Variants in MAK observed in about 807,000 individuals in gnomAD.
The protein encoded by MAK is serine/threonine-protein kinase MAK.
In MAK, 65 loss-of-function variants were observed where a neutral mutation model predicts 82.6. The observed-to-expected ratio is 0.79, with a 90% CI of 0.64 to 0.97. The LOEUF is 0.97. Ranked by LOEUF, MAK falls within the 50% of genes least tolerant of loss-of-function variation. The pLI is 0.00. For missense variants in MAK, 703 were observed against 780.2 expected (o/e 0.90, Z 1.18); for synonymous variants, 250 against 274.2 (o/e 0.91, Z 0.87).
At chr6:10,772,625 G>C (rs1248720594) in intron 13 of MAK, among the ~76,000 whole-genome samples, 1 of 151,956 alleles carries the variant, frequency 6.6e-6, no homozygotes, top group South Asian at 2.1e-4. Flanking sequence ...TTTCAGGTGT[G>C]AGCCACCGCG....
chr6:10,789,110 T>C (rs1343535991), intron 10 of MAK, among the ~76,000 whole-genome samples: 2 of 148,000 alleles, frequency 1.4e-5, no homozygotes, highest in East Asian at 4.0e-4. Flanking sequence ...GGAGTACCTA[T>C]GGAATGTGAA....
At chr6:10,815,912 G>GTGTGTGTATATA (rs1554184483) in intron 4 of MAK, among the ~76,000 whole-genome samples, 15 of 108,342 alleles carry the variant, frequency 1.4e-4, no homozygotes, top group Non-Finnish European at 2.3e-4. Context: ...GCTTTATACA[G>GTGTGTGTATATA]TATATATATA....
In MAK at chr6:10,764,595, TC is replaced by T. The variant is rs1240694998; in HGVS notation, c.1803del (p.Trp601Ter). On this transcript the variant is annotated frameshift_variant, in exon 15 of 15. Coordinates refer to ENST00000354489, the MANE Select transcript of MAK (RefSeq NM_001242957.3). LOFTEE classifies it high-confidence loss of function. ...AACTGCCCCCGACCAGTTTTTGTGTTCCAGGTATATTCTGAAAGAAATCAGA... is the reference window on the plus strand; with the variant it reads ...AACTGCCCCCGACCAGTTTTTGTGTTCAGGTATATTCTGAAAGAAATCAGA... Reference protein sequence around the residue: ...PLNATASEYTWNTKTGRGQFS... With the variant: ...PLNATASEYTXNTKTGRGQFS... 6.2e-7 allele frequency: 1 copy of T among 1,613,920 alleles called. No homozygotes were observed. Among genetic ancestry groups the T allele is most frequent in the Non-Finnish European group, 8.5e-7 (1 of 1,179,864 alleles).
intron 4 of MAK, among the ~76,000 whole-genome samples, chr6:10,816,205 G>A (rs912189841): frequency 1.3e-5 from 2 of 151,778 alleles, no homozygotes; most frequent in Admixed American, 6.6e-5. Flanking sequence ...CAAGTAGCTA[G>A]GACTACAGGT....
At chr6:10,799,806 G>T (rs71548515) in intron 8 of MAK, among the ~76,000 whole-genome samples, 1 of 152,070 alleles carries the variant, frequency 6.6e-6, no homozygotes, top group Non-Finnish European at 1.5e-5. Flanking sequence ...CCAGAACTTA[G>T]GGAGGCCGAG....
At chr6:10,836,502 C>A (rs1291267129) in intron 1 of MAK, among the ~76,000 whole-genome samples, 1 of 152,184 alleles carries the variant, frequency 6.6e-6, no homozygotes, top group Non-Finnish European at 1.5e-5. Context: ...CCTGATAGCA[C>A]ATAAGCAACT....
chr6:10,773,984 C>A (rs1366760463), intron 12 of MAK, among the ~76,000 whole-genome samples: 1 of 152,042 alleles, frequency 6.6e-6, no homozygotes, highest in Non-Finnish European at 1.5e-5. Context: ...CAGGAGTGGG[C>A]CACTGCACCT....
Position 10,802,062 on chromosome 6 carries a change from G to A in MAK, c.664-3C>T, listed in dbSNP as rs763599621. 1 of 1,613,930 alleles carries A rather than the reference G, an allele frequency of 6.2e-7. No individual in the cohort carries two copies. The highest frequency in any genetic ancestry group is 1.7e-5 in the Admixed American group (1 of 60,000). ...TGGTATCCTTCTGGCCAGTCACTCT[G>A]TTTCAGGAATATATAAGTGCAGGTG... On this transcript the variant is annotated splice_polypyrimidine_tract_variant and splice_region_variant and intron_variant, in intron 7 of 14. Transcript: ENST00000354489.
At chr6:10,804,563 G>C (rs937874834) in intron 6 of MAK, among the ~76,000 whole-genome samples, 1 of 152,064 alleles carries the variant, frequency 6.6e-6, no homozygotes, top group Non-Finnish European at 1.5e-5. Flanking sequence ...GGCTGGTCTC[G>C]AACTCCTGAC....
At chr6:10,804,412 G>A (rs1056346686) in intron 6 of MAK, among the ~76,000 whole-genome samples, 2 of 152,066 alleles carry the variant, frequency 1.3e-5, no homozygotes, top group South Asian at 2.1e-4. Context: ...GCGCGGTCCC[G>A]GCTCACTGCA....
intron 2 of MAK, among the ~76,000 whole-genome samples, chr6:10,829,882 G>A (rs912977002): frequency 6.6e-6 from 1 of 151,952 alleles, no homozygotes; most frequent in Non-Finnish European, 1.5e-5. Context: ...TGTCACCCAG[G>A]CTGGAGTGCA....
rs1405860550 is a variant in MAK at position 10,770,175 on chromosome 6, G to C, written c.1728C>G (p.Leu576=). The change falls in exon 14 of 15, where the codon CTC becomes CTG. Residue 576 remains leucine, a synonymous_variant. Transcript: ENST00000354489. Reference sequence around the variant, plus strand: ...GGCCAGCTGACTGCACTTCTTTTTTGAGAAAGGAAGGAATATATCCTGACT... The same window carrying C: ...GGCCAGCTGACTGCACTTCTTTTTTCAGAAAGGAAGGAATATATCCTGACT... The part of the protein sequence containing the change: ...YNQSGYIPSF[L]KKEVQSAGQR... 2 of 1,614,132 alleles carry C rather than the reference G, an allele frequency of 1.2e-6. No homozygotes were observed. Among genetic ancestry groups the C allele is most frequent in the African/African-American group, 1.3e-5 (1 of 75,036 alleles).
At chr6:10,820,399 G>A (rs922314097) in intron 2 of MAK, among the ~76,000 whole-genome samples, 2 of 152,162 alleles carry the variant, frequency 1.3e-5, no homozygotes, top group Non-Finnish European at 1.5e-5. Flanking sequence ...AACAGAGGCT[G>A]TGGAACCGCA....
intron 11 of MAK, among the ~76,000 whole-genome samples, chr6:10,775,964 T>C (rs1041491114): frequency 1.3e-5 from 2 of 152,082 alleles, no homozygotes; most frequent in Non-Finnish European, 2.9e-5. Flanking sequence ...AATTTTTGTA[T>C]TTTTAGTAGA....
intron 4 of MAK, 110 bp downstream of exon 4, chr6:10,817,740 A>C (rs1777600236): frequency 1.1e-6 from 1 of 929,518 alleles, no homozygotes. Context: ...TGGTTAATTT[A>C]AATTTACCTT....
intron 12 of MAK, among the ~76,000 whole-genome samples, chr6:10,773,677 A>G (rs1045975176): frequency 1.3e-5 from 2 of 152,040 alleles, no homozygotes; most frequent in Non-Finnish European, 2.9e-5. Context: ...TTTAAAAAAT[A>G]AAACTATTAG....
chr6:10,777,779 C>T (rs977802062), intron 11 of MAK, among the ~76,000 whole-genome samples: 3 of 152,114 alleles, frequency 2.0e-5, no homozygotes, highest in Non-Finnish European at 4.4e-5. Flanking sequence ...GCTGGGATTA[C>T]AGGCATGCGC....
In MAK at chr6:10,803,764, C is replaced by A; in HGVS notation, c.619G>T (p.Asp207Tyr). 1 of 1,613,994 alleles carries A rather than the reference C, an allele frequency of 6.2e-7. No individual in the cohort carries two copies. Among genetic ancestry groups the A allele is most frequent in the Non-Finnish European group, 8.5e-7 (1 of 1,180,010 alleles). Residue 207 changes from aspartate to tyrosine, a missense_variant, in exon 7 of 15, where the codon GAT (aspartate) becomes TAT (tyrosine). By Grantham distance (160) the Asp-to-Tyr change is radical. Coordinates refer to ENST00000354489, the MANE Select transcript of MAK (RefSeq NM_001242957.3). The stretch of plus-strand genomic sequence containing the variant: ...ACTTGGCAAATTTTAAAGATTTCAT[C>A]GACCTCACTTGTCCCTGGGAAAAGT... Reference protein sequence around the residue: ...RPLFPGTSEVDEIFKICQVLG... With the variant: ...RPLFPGTSEVYEIFKICQVLG...
chr6:10,813,134 AAATTTTTTTT>A (rs1561987654), intron 5 of MAK, among the ~76,000 whole-genome samples: 23 of 724 alleles, frequency 0.032, no homozygotes, highest in African/African-American at 0.067. Context: ...ATATATATAT[AAATTTTTTTT>A]TTTTTTTTTT....
Sources: allele counts gnomAD v4.1 joint callset (sites outside exome capture counted in the v4.1 genomes callset), GRCh38; gene constraint gnomAD v4.1.1; transcripts MANE v1.5; gene names NCBI Gene and HGNC (gene_info 2026-07-23, HGNC 2026-07-21).